ADGRA1: variants seen among roughly 807,000 people sequenced by gnomAD.
ADGRA1 encodes the protein G-protein coupled receptor 123.
A neutral mutation model predicts 21.3 loss-of-function variants in ADGRA1; 12 were observed. The observed-to-expected ratio is 0.56, with a 90% CI of 0.36 to 0.91. ADGRA1 has a LOEUF of 0.91. Among genes scored for constraint, ADGRA1 ranks in the 40% least tolerant of loss-of-function variants. ADGRA1 has a pLI of 0.01. For synonymous variants in ADGRA1, 385 were observed against 368.8 expected (o/e 1.04, Z -0.50); for missense variants, 790 against 805.6 (o/e 0.98, Z 0.23).
At chr10:133,108,601 C>G (rs193246182) in intron 5 of ADGRA1, among the ~76,000 whole-genome samples, 8 of 152,218 alleles carry the variant, frequency 5.3e-5, no homozygotes, top group Non-Finnish European at 1.2e-4. Flanking sequence ...AACATGGTGG[C>G]CACTGTCACC....
At chr10:133,112,725 GTCGGTTAT>G (rs1852074729) in intron 5 of ADGRA1, among the ~76,000 whole-genome samples, 3 of 148,614 alleles carry the variant, frequency 2.0e-5, no homozygotes, top group East Asian at 2.0e-4. Context: ...TGCGGGCCGC[GTCGGTTAT>G]TTGAGGTCTG....
At chr10:133,093,875 A>G (rs951228609) in intron 2 of ADGRA1, among the ~76,000 whole-genome samples, 4 of 152,264 alleles carry the variant, frequency 2.6e-5, no homozygotes, top group African/African-American at 9.6e-5. Context: ...AAGACAACAC[A>G]CGTCTCCACT....
At position 133,122,954 on chromosome 10, in the gene ADGRA1, G is replaced by A. The variant is rs557062333; in HGVS notation, c.402-4279G>A. ...ATTTCTCTGATTTCTTTCCCTGCACGTGTTTCTTTAAGGCCCATCCTGTAA... is the reference window on the plus strand; with the variant it reads ...ATTTCTCTGATTTCTTTCCCTGCACATGTTTCTTTAAGGCCCATCCTGTAA... On this transcript the variant is annotated intron_variant, in intron 5 of 6. Transcript: ENST00000392607. Among the ~76,000 whole-genome samples the A allele has an allele frequency of 5.3e-5, 8 of 152,238 alleles. No individual in the cohort carries two copies. In the South Asian group the frequency reaches 6.2e-4, roughly 12 times the overall value.
chr10:133,111,213 CA>C (rs1350821555), intron 5 of ADGRA1, among the ~76,000 whole-genome samples: 1 of 137,482 alleles, frequency 7.3e-6, no homozygotes, highest in Non-Finnish European at 1.5e-5. Flanking sequence ...ACAACCTGCC[CA>C]CCACAGGCAC....
intron 4 of ADGRA1, chr10:133,102,251 G>C (rs529784812): frequency 1.5e-5 from 7 of 475,738 alleles, no homozygotes; most frequent in South Asian, 6.1e-5. Flanking sequence ...CCGTCCCCGT[G>C]GGGGGCTCAT....
In ADGRA1 at chr10:133,088,929, C is replaced by T. The variant is rs1401936465; in HGVS notation, c.3+17C>T. 3.2e-6 allele frequency: 4 copies of T among 1,241,718 alleles called. No homozygotes were observed. The highest frequency in any genetic ancestry group is 3.1e-5 in the East Asian group (1 of 32,256). The allele number at this position is 1,241,718 out of a possible 1,614,324, so 76.9% of individuals were successfully genotyped here. A position where few individuals can be genotyped will look rare whatever the true frequency, so the allele number is the denominator to read the frequency against. ...GCGCTCATGGTGAGTACGGGGGTCCCGGGGGTCCTGCAGCTGGGGGCTAGG... is the reference window on the plus strand; with the variant it reads ...GCGCTCATGGTGAGTACGGGGGTCCTGGGGGTCCTGCAGCTGGGGGCTAGG... On this transcript the variant is annotated intron_variant, in intron 2 of 6. Transcript: ENST00000392607.
intron 5 of ADGRA1, among the ~76,000 whole-genome samples, chr10:133,104,740 C>T (rs3117449): frequency 6.6e-6 from 1 of 152,164 alleles, no homozygotes; most frequent in Non-Finnish European, 1.5e-5. Context: ...CCCCAGCCGC[C>T]CCCCCGGTGT....
At chr10:133,105,590 CT>C (rs1851879344) in intron 5 of ADGRA1, among the ~76,000 whole-genome samples, 1 of 152,232 alleles carries the variant, frequency 6.6e-6, no homozygotes, top group Non-Finnish European at 1.5e-5. Flanking sequence ...TGTTGCTGCG[CT>C]GGTGTCCGTG....
intron 5 of ADGRA1, among the ~76,000 whole-genome samples, chr10:133,103,873 G>A (rs955442924): frequency 6.6e-6 from 1 of 152,192 alleles, no homozygotes; most frequent in Non-Finnish European, 1.5e-5. Flanking sequence ...CGAGGCCTTG[G>A]GTGCCTACCT....
intron 4 of ADGRA1, chr10:133,102,328 C>T (rs9419103): frequency 0.15 from 75,242 of 509,652 alleles, 6,215 homozygotes; most frequent in South Asian, 0.16. Context: ...CCTTGGTGGA[C>T]ACCTATCCAG....
intron 5 of ADGRA1, among the ~76,000 whole-genome samples, chr10:133,117,547 C>T (rs932550835): frequency 6.6e-6 from 1 of 152,218 alleles, no homozygotes; most frequent in Non-Finnish European, 1.5e-5. Flanking sequence ...CTCACTAGCC[C>T]GGGCACCTGC....
At chr10:133,106,291 C>T (rs1484210993) in intron 5 of ADGRA1, among the ~76,000 whole-genome samples, 1 of 152,210 alleles carries the variant, frequency 6.6e-6, no homozygotes, top group Non-Finnish European at 1.5e-5. Flanking sequence ...CATCACTCCC[C>T]TCCATTCACA....
Position 133,121,991 on chromosome 10 carries a change from G to C in ADGRA1, c.402-5242G>C, listed in dbSNP as rs1852278025. 2.0e-5 allele frequency among the ~76,000 whole-genome samples: 3 copies of C among 152,104 alleles called. No homozygotes were observed. The South Asian group carries it at 6.2e-4, about 32-fold the overall frequency. ...TGCCTGTGTGTATGTGTGTGCCTGTGTGTGTGATGGGTGCCAGTGTGTGTG... is the reference window on the plus strand; with the variant it reads ...TGCCTGTGTGTATGTGTGTGCCTGTCTGTGTGATGGGTGCCAGTGTGTGTG... On this transcript the variant is annotated intron_variant, in intron 5 of 6. Coordinates refer to ENST00000392607, the MANE Select transcript of ADGRA1 (RefSeq NM_001083909.3).
At chr10:133,088,644 G>A (rs2135859203) in intron 1 of ADGRA1, 64 bp from the exon 2 acceptor site, 1 of 1,083,906 alleles carries the variant, frequency 9.2e-7, no homozygotes, top group Non-Finnish European at 1.2e-6. Flanking sequence ...GGCGGGGTCG[G>A]GGCTGCGAGC....
At chr10:133,118,075 C>A (rs1198503976) in intron 5 of ADGRA1, among the ~76,000 whole-genome samples, 1 of 152,224 alleles carries the variant, frequency 6.6e-6, no homozygotes, top group Admixed American at 6.5e-5. Context: ...CAAACTGACA[C>A]CACCGTCCCC....
intron 5 of ADGRA1, among the ~76,000 whole-genome samples, chr10:133,108,708 C>T (rs1851934339): frequency 6.6e-6 from 1 of 152,174 alleles, no homozygotes; most frequent in South Asian, 2.1e-4. Flanking sequence ...CAGTCCTGAC[C>T]ACTACACACA....
chr10:133,122,539 TTTC>T (rs746646245), intron 5 of ADGRA1, among the ~76,000 whole-genome samples: 3 of 152,260 alleles, frequency 2.0e-5, no homozygotes, highest in Middle Eastern at 3.2e-3. Context: ...TTCTTGTCTC[TTTC>T]TTCTTTTCTT....
At chr10:133,124,998 C>CTG (rs1852350977) in intron 5 of ADGRA1, among the ~76,000 whole-genome samples, 1 of 152,234 alleles carries the variant, frequency 6.6e-6, no homozygotes, top group Admixed American at 6.5e-5. Flanking sequence ...CTCCTGTGTG[C>CTG]TGTGGGTCCA....
At chr10:133,096,593 G>C (rs1851693676) in intron 2 of ADGRA1, among the ~76,000 whole-genome samples, 1 of 152,238 alleles carries the variant, frequency 6.6e-6, no homozygotes, top group African/African-American at 2.4e-5. Context: ...CTGCCTCTCT[G>C]TAAGGCCCAT....
Sources: gnomAD v4.1 joint callset for allele counts (sites outside exome capture counted in the v4.1 genomes callset) on GRCh38, gnomAD v4.1.1 for gene constraint, MANE v1.5 for transcripts, NCBI Gene and HGNC (gene_info 2026-07-23, HGNC 2026-07-21) for gene names.